The following DSCAML1 variants were observed in gnomAD, a reference collection of about 807,000 sequenced individuals.
DSCAML1 encodes the protein cell adhesion molecule DSCAML1.
Under a neutral mutation model 200.5 loss-of-function variants are expected in DSCAML1, and 38 were observed. That is an observed-to-expected ratio of 0.19 (90% CI 0.15 to 0.25). DSCAML1 has a LOEUF of 0.25. Among genes scored for constraint, DSCAML1 ranks in the 10% least tolerant of loss-of-function variants. The pLI, the probability that DSCAML1 is intolerant of heterozygous loss-of-function variation, is 1.00. For missense variants in DSCAML1, 2,223 were observed against 2,858.8 expected (o/e 0.78, Z 5.07); for synonymous variants, 1,215 against 1,165.0 (o/e 1.04, Z -0.87).
At chr11:117,665,989 C>A (rs2052966607) in intron 3 of DSCAML1, among the ~76,000 whole-genome samples, 1 of 152,188 alleles carries the variant, frequency 6.6e-6, no homozygotes, top group Admixed American at 6.5e-5. Context: ...CTATTGCCTG[C>A]GTGAGGATTG....
At chr11:117,639,665 AGACG>A (rs1251641021) in intron 3 of DSCAML1, among the ~76,000 whole-genome samples, 1 of 152,142 alleles carries the variant, frequency 6.6e-6, no homozygotes, top group Non-Finnish European at 1.5e-5. Flanking sequence ...AGGAGGATGC[AGACG>A]GTAGGCTTGT....
chr11:117,760,194 CA>C (rs1365139921), intron 3 of DSCAML1, among the ~76,000 whole-genome samples: 1 of 152,192 alleles, frequency 6.6e-6, no homozygotes, highest in Non-Finnish European at 1.5e-5. Flanking sequence ...ACATATCATG[CA>C]TACAGAAAAG....
chr11:117,725,808 CAAAACAAAACA>C (rs1034369459), intron 3 of DSCAML1, among the ~76,000 whole-genome samples: 5 of 109,716 alleles, frequency 4.6e-5, no homozygotes, highest in African/African-American at 3.1e-4. Flanking sequence ...CTACACAAAA[CAAAACAAAACA>C]AAACAAAACA....
chr11:117,626,206 CCCCT>C (rs1015949268), intron 3 of DSCAML1, among the ~76,000 whole-genome samples: 8 of 88,190 alleles, frequency 9.1e-5, no homozygotes, highest in South Asian at 3.0e-4. Context: ...GAGACCCCCC[CCCCT>C]CCTTCTTCTG....
At chr11:117,681,270 C>T (rs1243236870) in intron 3 of DSCAML1, among the ~76,000 whole-genome samples, 2 of 152,198 alleles carry the variant, frequency 1.3e-5, no homozygotes, top group Non-Finnish European at 2.9e-5. Flanking sequence ...CCAGCAGCAT[C>T]GGCATCACCT....
At chr11:117,591,237 G>T (rs2051253801) in intron 3 of DSCAML1, among the ~76,000 whole-genome samples, 4 of 152,150 alleles carry the variant, frequency 2.6e-5, no homozygotes, top group African/African-American at 4.8e-5. Flanking sequence ...TCTGGGGCGA[G>T]GAGCAGGTTC....
At chr11:117,609,128 G>C (rs1336381927) in intron 3 of DSCAML1, among the ~76,000 whole-genome samples, 1 of 151,858 alleles carries the variant, frequency 6.6e-6, no homozygotes, top group Non-Finnish European at 1.5e-5. Flanking sequence ...GAACCTAGGA[G>C]GCAGATGTTG....
intron 3 of DSCAML1, among the ~76,000 whole-genome samples, chr11:117,773,183 G>A (rs372479317): frequency 2.0e-5 from 3 of 152,266 alleles, no homozygotes; most frequent in East Asian, 3.9e-4. Flanking sequence ...AGAGGCGTGG[G>A]AGAGCCAGCT....
At chr11:117,778,084 A>G (rs2055164309) in intron 2 of DSCAML1, among the ~76,000 whole-genome samples, 1 of 152,198 alleles carries the variant, frequency 6.6e-6, no homozygotes. Context: ...GGCATCATCA[A>G]GAGTCTCTTA....
chr11:117,666,882 A>T (rs1591379210), intron 3 of DSCAML1, among the ~76,000 whole-genome samples: 1 of 152,318 alleles, frequency 6.6e-6, no homozygotes, highest in East Asian at 1.9e-4. Context: ...GATGCGTGGC[A>T]CGTGGTAAGC....
chr11:117,500,189 A>G (rs566595357), intron 11 of DSCAML1, among the ~76,000 whole-genome samples: 3 of 152,286 alleles, frequency 2.0e-5, no homozygotes, highest in South Asian at 4.1e-4. Context: ...ATTAGAGACT[A>G]TTGCTTTTGT....
At chr11:117,650,667 C>CTGTGTGTG (rs66966642) in intron 3 of DSCAML1, among the ~76,000 whole-genome samples, 3,127 of 143,470 alleles carry the variant, frequency 0.022, 46 homozygotes, top group South Asian at 0.035. Flanking sequence ...GTGTGTCTAT[C>CTGTGTGTG]TGTGTGTGTG....
intron 3 of DSCAML1, among the ~76,000 whole-genome samples, chr11:117,544,233 C>T (rs3802877): frequency 0.078 from 11,945 of 152,194 alleles, 603 homozygotes; most frequent in East Asian, 0.11. Context: ...CCTCCCAATT[C>T]AAAAAGAGAA....
rs748328837 is a variant in DSCAML1, at chr11:117,482,005, G to A, written c.2517C>T (p.Ile839=). Residue 839 remains isoleucine (I), a synonymous_variant, in exon 12 of 33, where the codon ATC becomes ATT. Transcript: ENST00000651296. ...IDPDRVMRYA[I]ATKDNGDEVV... is the part of the protein sequence containing the mutation. The stretch of plus-strand genomic sequence containing the variant: ...CCTCGTCGCCGTTGTCCTTGGTGGC[G>A]ATGGCATACCGCATGACGCGGTCAG... The A allele has an allele frequency of 3.8e-5, 61 of 1,614,046 alleles. No individual in the cohort carries two copies. Among genetic ancestry groups the A allele is most frequent in the Non-Finnish European group, 4.7e-5 (56 of 1,180,014 alleles).
At chr11:117,511,713 G>A (rs2049621796) in intron 8 of DSCAML1, among the ~76,000 whole-genome samples, 1 of 152,192 alleles carries the variant, frequency 6.6e-6, no homozygotes, top group African/African-American at 2.4e-5. Flanking sequence ...GCTCCCTTGG[G>A]CAATATTTCA....
chr11:117,569,861 C>T (rs1044188597), intron 3 of DSCAML1, among the ~76,000 whole-genome samples: 2 of 152,200 alleles, frequency 1.3e-5, no homozygotes, highest in African/African-American at 4.8e-5. Context: ...TACAGGCAAT[C>T]CCAGTGGAGG....
At chr11:117,460,298 T>G (rs538681202) in intron 18 of DSCAML1, among the ~76,000 whole-genome samples, 1 of 152,200 alleles carries the variant, frequency 6.6e-6, no homozygotes, top group East Asian at 1.9e-4. Flanking sequence ...CCTCTGCTTT[T>G]TGTGGGAGAG....
At chr11:117,638,393 C>T (rs2052335772) in intron 3 of DSCAML1, among the ~76,000 whole-genome samples, 1 of 150,352 alleles carries the variant, frequency 6.7e-6, no homozygotes, top group African/African-American at 2.5e-5. Context: ...AGATATCATT[C>T]ACAGAGCATA....
intron 3 of DSCAML1, among the ~76,000 whole-genome samples, chr11:117,604,765 G>A (rs992132306): frequency 6.6e-6 from 1 of 152,198 alleles, no homozygotes; most frequent in Non-Finnish European, 1.5e-5. Context: ...TGTCCCAGGA[G>A]CCCGGGATGA....
Sources: allele counts gnomAD v4.1 joint callset (sites outside exome capture counted in the v4.1 genomes callset), GRCh38; gene constraint gnomAD v4.1.1; transcripts MANE v1.5; gene names NCBI Gene and HGNC (gene_info 2026-07-23, HGNC 2026-07-21).